Variants in RASGEF1C observed in about 807,000 individuals in gnomAD.
The protein encoded by RASGEF1C is ras-GEF domain-containing family member 1C.
In RASGEF1C, 27 loss-of-function variants were observed where a neutral mutation model predicts 58.1. The ratio of observed to expected loss-of-function variants is 0.46; its 90% CI spans 0.34 to 0.64. RASGEF1C has a LOEUF of 0.64. Ranked by LOEUF, RASGEF1C falls within the 30% of genes least tolerant of loss-of-function variation. The probability of loss-of-function intolerance (pLI) is 0.01; values close to 1 mark genes in which losing one functional copy is unlikely to be tolerated. For missense variants in RASGEF1C, 502 were observed against 605.1 expected (o/e 0.83, Z 1.79); for synonymous variants, 243 against 246.3 (o/e 0.99, Z 0.13).
At chr5:180,127,535 C>T (rs968186796) in intron 6 of RASGEF1C, 74 bp downstream of exon 6, 4 of 1,441,058 alleles carry the variant, frequency 2.8e-6, no homozygotes, top group African/African-American at 1.4e-5. Flanking sequence ...CCAGAGAAGG[C>T]TCGCGGGCTC....
chr5:180,152,352 G>A (rs1766766189), intron 1 of RASGEF1C, among the ~76,000 whole-genome samples: 1 of 152,092 alleles, frequency 6.6e-6, no homozygotes. Context: ...AGAAAATGTG[G>A]CACATATACA....
chr5:180,174,491 C>CGCGTGT (rs1554114713), intron 1 of RASGEF1C, among the ~76,000 whole-genome samples: 8 of 143,694 alleles, frequency 5.6e-5, no homozygotes, highest in South Asian at 2.2e-4. Flanking sequence ...TGTGTGTGCG[C>CGCGTGT]GTGTGTGTCT....
Position 180,177,855 on chromosome 5 carries a change from G to A in RASGEF1C, c.-7+31173C>T, listed in dbSNP as rs11749104. ...GGTAAGGACAGGAAGTAAGTATGGA[G>A]CTGGTGGGGGCTTTCTTGTGAAAGG... On this transcript the variant is annotated intron_variant, in intron 1 of 13. Transcript: ENST00000361132. The surrounding 1 kb of genome is among the most constrained non-coding windows in gnomAD (Gnocchi z 5.0). Among the ~76,000 whole-genome samples, 3,287 of 152,272 alleles carry A rather than the reference G, an allele frequency of 0.022. 80 individuals are homozygous for A. Among genetic ancestry groups the A allele is most frequent in the African/African-American group, 0.044 (1,829 of 41,538 alleles).
rs573060177 is a variant in RASGEF1C, at chr5:180,169,796, C to A, written c.-6-31738G>T. On this transcript the variant is annotated intron_variant, in intron 1 of 13. Transcript: ENST00000361132. Reference sequence around the variant, plus strand: ...ACCCCCCAGCACCCACCCCCCGACCCCATGGGGCTCCAAGCCCGCCTCTCT... The same window carrying A: ...ACCCCCCAGCACCCACCCCCCGACCACATGGGGCTCCAAGCCCGCCTCTCT... 2.7e-5 allele frequency among the ~76,000 whole-genome samples: 3 copies of A among 111,564 alleles called. No individual in the cohort carries two copies. The South Asian group carries it at 8.4e-4, about 31-fold the overall frequency. 73.2% of individuals were successfully genotyped at this position (111,564 alleles called of 152,430 possible).
intron 1 of RASGEF1C, among the ~76,000 whole-genome samples, chr5:180,170,385 G>C (rs951816646): frequency 5.7e-4 from 87 of 152,388 alleles, no homozygotes; most frequent in Middle Eastern, 3.4e-3. Context: ...TTTACCACGA[G>C]AATGAATATC....
chr5:180,137,759 G>T lies in RASGEF1C; in HGVS notation c.178-47C>A, dbSNP rs1426509527. ...GGGCACAGGCTCAGGAGGGCACCAG[G>T]AGGGGCATGCTTCCCAGCTGGCCCT... On this transcript the variant is annotated intron_variant, in intron 2 of 13. Transcript: ENST00000361132. The surrounding 1 kb of genome is among the most constrained non-coding windows in gnomAD (Gnocchi z 4.1). 1.2e-6 allele frequency: 2 copies of T among 1,609,086 alleles called. No individual in the cohort carries two copies. The highest frequency in any genetic ancestry group is 1.7e-6 in the Non-Finnish European group (2 of 1,177,524).
chr5:180,202,183 A>G (rs1018990739), intron 1 of RASGEF1C, among the ~76,000 whole-genome samples: 3 of 152,216 alleles, frequency 2.0e-5, no homozygotes, highest in African/African-American at 7.2e-5. Flanking sequence ...TAAAAGCTTA[A>G]TAGTGTTCAT....
chr5:180,131,485 C>G (rs1404058851), intron 4 of RASGEF1C, among the ~76,000 whole-genome samples: 2 of 152,168 alleles, frequency 1.3e-5, no homozygotes, highest in African/African-American at 2.4e-5. Flanking sequence ...CATTGGTGTT[C>G]AGTGCTGTGA....
At chr5:180,174,841 C>T (rs1381924667) in intron 1 of RASGEF1C, among the ~76,000 whole-genome samples, 4 of 152,246 alleles carry the variant, frequency 2.6e-5, no homozygotes, top group Admixed American at 1.3e-4. Context: ...AAAGGGAAAC[C>T]GAGGCTCAGA....
At chr5:180,176,371 T>G (rs1767225506) in intron 1 of RASGEF1C, among the ~76,000 whole-genome samples, 1 of 152,184 alleles carries the variant, frequency 6.6e-6, no homozygotes, top group Non-Finnish European at 1.5e-5. Context: ...AGCCCATCAA[T>G]CCAGTCACCA....
chr5:180,173,026 G>T (rs1447012435), intron 1 of RASGEF1C, among the ~76,000 whole-genome samples: 3 of 152,158 alleles, frequency 2.0e-5, no homozygotes, highest in Admixed American at 6.5e-5. Flanking sequence ...GGGCCCTTCT[G>T]TCCCCTGGCA....
At chr5:180,103,358 T>G (rs1482296538) in intron 12 of RASGEF1C, among the ~76,000 whole-genome samples, 2 of 152,220 alleles carry the variant, frequency 1.3e-5, no homozygotes, top group Non-Finnish European at 2.9e-5. Context: ...ATTACAGGCG[T>G]GAGCCACCGC....
At position 180,101,237 on chromosome 5, in the gene RASGEF1C, A is replaced by G; in HGVS notation, c.*264T>C. On this transcript the variant is annotated 3_prime_UTR_variant, in exon 14 of 14. Transcript: ENST00000361132. ...AGGATGGACAGACTGACCAGGCCCC[A>G]CGGTCCTGAAGGCAGGATGTCCCCA... 1 of 539,638 alleles carries G rather than the reference A, an allele frequency of 1.9e-6. No individual in the cohort carries two copies. The highest frequency in any genetic ancestry group is 3.3e-6 in the Non-Finnish European group (1 of 300,884). 33.4% of individuals were successfully genotyped at this position (539,638 alleles called of 1,614,324 possible). A position where few individuals can be genotyped will look rare whatever the true frequency, so the allele number is the denominator to read the frequency against.
In RASGEF1C at chr5:180,177,346, G is replaced by C. The variant is rs1767248098; in HGVS notation, c.-7+31682C>G. ...CCCAGCAGCTTCCCCAAAGACACAG[G>C]CTGTTCATCGGCTCCATTTTTAACC... On this transcript the variant is annotated intron_variant, in intron 1 of 13. Transcript: ENST00000361132. The surrounding 1 kb of genome is among the most constrained non-coding windows in gnomAD (Gnocchi z 5.0). 6.6e-6 allele frequency among the ~76,000 whole-genome samples: 1 copy of C among 152,216 alleles called. No homozygotes were observed. Among genetic ancestry groups the C allele is most frequent in the Non-Finnish European group, 1.5e-5 (1 of 68,042 alleles).
At chr5:180,186,181 G>C (rs1163223822) in intron 1 of RASGEF1C, among the ~76,000 whole-genome samples, 1 of 149,532 alleles carries the variant, frequency 6.7e-6, no homozygotes, top group South Asian at 2.1e-4. Context: ...GTTCTAACTA[G>C]AGCAGTTAGG....
chr5:180,189,923 C>CAAAAAAAAAA (rs71001085), intron 1 of RASGEF1C, among the ~76,000 whole-genome samples: 31 of 37,200 alleles, frequency 8.3e-4, no homozygotes, highest in Non-Finnish European at 1.1e-3. Context: ...AACTCCATCT[C>CAAAAAAAAAA]AAAAAAAAAA....
chr5:180,114,206 C>G (rs749365531), intron 11 of RASGEF1C, among the ~76,000 whole-genome samples: 2 of 152,210 alleles, frequency 1.3e-5, no homozygotes, highest in Non-Finnish European at 2.9e-5. Context: ...CAGATGGACC[C>G]TGCTTCACCT....
intron 11 of RASGEF1C, among the ~76,000 whole-genome samples, 162 bp downstream of exon 11, chr5:180,114,284 G>A (rs1409417713): frequency 6.6e-6 from 1 of 152,206 alleles, no homozygotes; most frequent in Non-Finnish European, 1.5e-5. Flanking sequence ...TGCAGTGGAT[G>A]TCAGGGTGGG....
chr5:180,201,276 C>A (rs2127564314), intron 1 of RASGEF1C, among the ~76,000 whole-genome samples: 1 of 152,146 alleles, frequency 6.6e-6, no homozygotes, highest in East Asian at 1.9e-4. Flanking sequence ...GAAGTAGAGG[C>A]AGCCTTCGGA....
Sources: gnomAD v4.1 joint callset for allele counts (sites outside exome capture counted in the v4.1 genomes callset) on GRCh38, gnomAD v4.1.1 for gene constraint, Gnocchi (gnomAD v3.1) non-coding constraint, MANE v1.5 for transcripts, NCBI Gene and HGNC (gene_info 2026-07-23, HGNC 2026-07-21) for gene names.